OPCML: variants seen among roughly 807,000 people sequenced by gnomAD.
OPCML encodes opioid-binding protein/cell adhesion molecule.
OPCML carries 13 observed loss-of-function variants against 37.8 expected under a neutral mutation model. That is an observed-to-expected ratio of 0.34 (90% CI 0.22 to 0.55). The LOEUF (loss-of-function observed/expected upper bound fraction) is 0.55, where lower values mean the gene tolerates loss of function less well. OPCML is among the 20% of genes least tolerant of loss of function. The pLI is 0.91. For missense variants in OPCML, 341 were observed against 435.6 expected, an observed-to-expected ratio of 0.78 and a Z score of 1.93; for synonymous variants, 176 against 168.8, an observed-to-expected ratio of 1.04 and a Z score of -0.33.
At chr11:132,449,099 C>A (rs935816668) in intron 4 of OPCML, among the ~76,000 whole-genome samples, 5 of 152,162 alleles carry the variant, frequency 3.3e-5, no homozygotes, top group African/African-American at 1.2e-4. Flanking sequence ...CTGGCCCAGG[C>A]CACACTGGCT....
chr11:132,641,589 A>G (rs922509458), intron 3 of OPCML, among the ~76,000 whole-genome samples: 1 of 152,174 alleles, frequency 6.6e-6, no homozygotes, highest in Non-Finnish European at 1.5e-5. Context: ...TTAATAAAAC[A>G]TTTTCAAACC....
At chr11:132,614,442 G>A (rs1286166387) in intron 3 of OPCML, among the ~76,000 whole-genome samples, 1 of 152,172 alleles carries the variant, frequency 6.6e-6, no homozygotes, top group Non-Finnish European at 1.5e-5. Context: ...CTCCATAGCA[G>A]TGAGTGGCAG....
At chr11:133,103,716 T>C (rs1395056225) in intron 1 of OPCML, among the ~76,000 whole-genome samples, 1 of 152,238 alleles carries the variant, frequency 6.6e-6, no homozygotes, top group African/African-American at 2.4e-5. Context: ...CACTATTACC[T>C]ACAGGCCTTC....
At position 132,654,373 on chromosome 11, in the gene OPCML, A is replaced by G. The variant is rs541925972; in HGVS notation, c.379+2714T>C. Among the ~76,000 whole-genome samples, 12 of 151,314 alleles carry G rather than the reference A, an allele frequency of 7.9e-5. No individual in the cohort carries two copies. In the South Asian group the frequency reaches 2.5e-3, roughly 32 times the overall value. On this transcript the variant is annotated intron_variant, in intron 3 of 7. Transcript: ENST00000524381. ...AGCTTCTCCCCAAGAGAACGTCATC[A>G]TCAAGAGAAACTCCTCCCCAAGAGA... is the stretch of plus-strand genomic sequence containing the variant.
chr11:133,050,550 A>G (rs778693887), intron 1 of OPCML, among the ~76,000 whole-genome samples: 1 of 152,156 alleles, frequency 6.6e-6, no homozygotes, highest in African/African-American at 2.4e-5. Context: ...AATAAGGAAT[A>G]ATGAGGTGGA....
chr11:133,175,090 T>C (rs1950347930), intron 1 of OPCML, among the ~76,000 whole-genome samples: 1 of 152,226 alleles, frequency 6.6e-6, no homozygotes, highest in Non-Finnish European at 1.5e-5. Context: ...ATCTTGGAAG[T>C]AGAATTTTAG....
Position 133,188,293 on chromosome 11 carries a change from G to T in OPCML, c.62-245283C>A, listed in dbSNP as rs58111446. ...CTCCAGGAGGGGGACTGTATCTTTG[G>T]GAAAGCTTCACTTCACATCTGTCTT... On this transcript the variant is annotated intron_variant, in intron 1 of 7. Transcript: ENST00000524381. Among the ~76,000 whole-genome samples the T allele has an allele frequency of 4.8e-3, 737 of 152,162 alleles. 5 individuals are homozygous for T. Among genetic ancestry groups the T allele is most frequent in the African/African-American group, 0.017 (703 of 41,532 alleles).
At chr11:132,849,587 T>G (rs1053065722) in intron 2 of OPCML, among the ~76,000 whole-genome samples, 1 of 152,232 alleles carries the variant, frequency 6.6e-6, no homozygotes, top group Non-Finnish European at 1.5e-5. Flanking sequence ...GCTGTTATTT[T>G]ATACTGAGGA....
rs2027778 is a variant in OPCML, at chr11:132,652,796, G to A, written c.379+4291C>T. ...ATGACTGTCCTCTCCGAGTCATCTG[G>A]ACATAGTCTGACTTCCCTGCCACCT... is the stretch of plus-strand genomic sequence containing the variant. On this transcript the variant is annotated intron_variant, in intron 3 of 7. Coordinates refer to ENST00000524381, the MANE Select transcript of OPCML (RefSeq NM_001012393.5). Among the ~76,000 whole-genome samples the A allele has an allele frequency of 3.1e-3, 477 of 152,212 alleles. 1 individual carries two copies. The highest frequency in any genetic ancestry group is 0.01 in the Middle Eastern group (3 of 294).
chr11:132,758,059 C>A (rs1946120563), intron 2 of OPCML, among the ~76,000 whole-genome samples: 1 of 152,118 alleles, frequency 6.6e-6, no homozygotes, highest in African/African-American at 2.4e-5. Context: ...ATAGGGAATC[C>A]TTTCCCCATT....
chr11:132,719,451 AC>A (rs1944604577), intron 2 of OPCML, among the ~76,000 whole-genome samples: 2 of 152,326 alleles, frequency 1.3e-5, no homozygotes, highest in Admixed American at 1.3e-4. Flanking sequence ...TGACTGCGGT[AC>A]AAAGGGCTTT....
chr11:132,521,558 C>G (rs2096293806), intron 4 of OPCML, among the ~76,000 whole-genome samples: 1 of 151,948 alleles, frequency 6.6e-6, no homozygotes, highest in Admixed American at 6.6e-5. Context: ...CCAAATACTG[C>G]ATGTTCTCTG....
intron 2 of OPCML, among the ~76,000 whole-genome samples, chr11:132,881,411 C>T (rs1299113848): frequency 6.6e-6 from 1 of 152,120 alleles, no homozygotes; most frequent in East Asian, 1.9e-4. Flanking sequence ...TGCAGCCCCA[C>T]TGCAGCTGAA....
At chr11:132,640,868 G>A (rs1443726548) in intron 3 of OPCML, among the ~76,000 whole-genome samples, 1 of 152,126 alleles carries the variant, frequency 6.6e-6, no homozygotes, top group African/African-American at 2.4e-5. Flanking sequence ...GAGAGGGTGG[G>A]GATCGCCCCA....
At chr11:132,735,512 A>C (rs1255508762) in intron 2 of OPCML, among the ~76,000 whole-genome samples, 1 of 152,094 alleles carries the variant, frequency 6.6e-6, no homozygotes, top group Non-Finnish European at 1.5e-5. Flanking sequence ...CTTGAGACAG[A>C]GTCTCACTCT....
intron 3 of OPCML, among the ~76,000 whole-genome samples, chr11:132,544,314 C>T (rs2137389431): frequency 6.6e-6 from 1 of 152,272 alleles, no homozygotes; most frequent in East Asian, 1.9e-4. Context: ...GGGGTCAGAT[C>T]TCCTTACTCA....
chr11:133,020,763 A>G (rs1947435809), intron 1 of OPCML, among the ~76,000 whole-genome samples: 1 of 152,376 alleles, frequency 6.6e-6, no homozygotes, highest in South Asian at 2.1e-4. Context: ...ATGTTCAAAA[A>G]AATGACTTAA....
At chr11:133,412,110 AATAC>A (rs1409897198) in intron 1 of OPCML, among the ~76,000 whole-genome samples, 1 of 152,234 alleles carries the variant, frequency 6.6e-6, no homozygotes, top group African/African-American at 2.4e-5. Context: ...GCAAGGGCAG[AATAC>A]AAGCAAATCC....
At chr11:132,470,145 G>A (rs2096133382) in intron 4 of OPCML, among the ~76,000 whole-genome samples, 1 of 152,056 alleles carries the variant, frequency 6.6e-6, no homozygotes, top group Non-Finnish European at 1.5e-5. Context: ...ACTGAATAGA[G>A]AACACATTGT....
Sources: allele counts gnomAD v4.1 joint callset (sites outside exome capture counted in the v4.1 genomes callset), GRCh38; gene constraint gnomAD v4.1.1; transcripts MANE v1.5; gene names NCBI Gene and HGNC (gene_info 2026-07-23, HGNC 2026-07-21).